PCDHA5: variants seen among roughly 807,000 people sequenced by gnomAD.
PCDHA5 encodes the protein protocadherin alpha 5, also known as protocadherin alpha-5.
A neutral mutation model predicts 61.6 loss-of-function variants in PCDHA5; 43 were observed. That is an observed-to-expected ratio of 0.70 (90% CI 0.55 to 0.90). The LOEUF (loss-of-function observed/expected upper bound fraction) is 0.90, where lower values mean the gene tolerates loss of function less well. Among genes scored for constraint, PCDHA5 ranks in the 40% least tolerant of loss-of-function variants. The probability of loss-of-function intolerance (pLI) is 0.00; values close to 1 mark genes in which losing one functional copy is unlikely to be tolerated. For missense variants in PCDHA5, 1,298 were observed against 1,222.7 expected, an observed-to-expected ratio of 1.06 and a Z score of -0.92; for synonymous variants, 627 against 543.9, an observed-to-expected ratio of 1.15 and a Z score of -2.13.
At chr5:140,906,750 T>C (rs782209238) in intron 1 of PCDHA5, among the ~76,000 whole-genome samples, 2 of 152,216 alleles carry the variant, frequency 1.3e-5, no homozygotes, top group Non-Finnish European at 2.9e-5. Flanking sequence ...ACACAGGGCA[T>C]GGTAATACTA....
intron 1 of PCDHA5, chr5:140,828,112 T>C (rs970956452): frequency 6.2e-7 from 1 of 1,611,926 alleles, no homozygotes; most frequent in Non-Finnish European, 8.5e-7. Flanking sequence ...CCCCGGAGGA[T>C]AGATTGGGAA....
intron 3 of PCDHA5, among the ~76,000 whole-genome samples, chr5:141,000,393 C>CTATA (rs1563650230): frequency 1.3e-4 from 7 of 52,858 alleles, no homozygotes; most frequent in Admixed American, 2.8e-4. Context: ...CTCTCTCTCT[C>CTATA]TCTATATATA....
intron 1 of PCDHA5, chr5:140,928,259 A>G: frequency 6.2e-7 from 1 of 1,614,218 alleles, no homozygotes; most frequent in Non-Finnish European, 8.5e-7. Context: ...TTCGTTGCTG[A>G]AAACAATGGC....
At chr5:140,849,620 C>A (rs2040998983) in intron 1 of PCDHA5, 1 of 1,598,622 alleles carries the variant, frequency 6.3e-7, no homozygotes, top group Non-Finnish European at 8.6e-7. Context: ...TTAGTGTGAT[C>A]GACCTAGACG....
At position 140,842,838 on chromosome 5, in the gene PCDHA5, G is replaced by A. The variant is rs1265674507; in HGVS notation, c.2352+18711G>A. 6.3e-7 allele frequency: 1 copy of A among 1,593,906 alleles called. No homozygotes were observed. Among genetic ancestry groups the A allele is most frequent in the South Asian group, 1.1e-5 (1 of 90,422 alleles). ...CGGGTGGGCGAGCGCTCGCTGTCGAGCTACATTTCGGTGCACACGGAGAGC... is the reference window on the plus strand; with the variant it reads ...CGGGTGGGCGAGCGCTCGCTGTCGAACTACATTTCGGTGCACACGGAGAGC... On this transcript the variant is annotated intron_variant, in intron 1 of 3. Transcript: ENST00000529859.
At chr5:140,838,888 C>A (rs1414271467) in intron 1 of PCDHA5, among the ~76,000 whole-genome samples, 1 of 151,692 alleles carries the variant, frequency 6.6e-6, no homozygotes, top group Non-Finnish European at 1.5e-5. Context: ...GAACTCCAGC[C>A]TAGGTGACAG....
intron 1 of PCDHA5, among the ~76,000 whole-genome samples, chr5:140,955,262 CT>C (rs1165777806): frequency 3.9e-5 from 6 of 152,044 alleles, no homozygotes; most frequent in African/African-American, 1.4e-4. Flanking sequence ...TATAAAGGCT[CT>C]TTTTTGGTTC....
chr5:140,997,131 C>T (rs577407385), intron 3 of PCDHA5, among the ~76,000 whole-genome samples: 26 of 152,126 alleles, frequency 1.7e-4, no homozygotes, highest in African/African-American at 6.0e-4. Flanking sequence ...ACACAATGCC[C>T]CCACACCCCC....
intron 1 of PCDHA5, among the ~76,000 whole-genome samples, chr5:140,908,402 T>C (rs2073951162): frequency 6.6e-6 from 1 of 152,166 alleles, no homozygotes; most frequent in Non-Finnish European, 1.5e-5. Flanking sequence ...TATATACCAC[T>C]TCCATTTGAT....
chr5:140,860,216 T>G (rs1554153148), intron 1 of PCDHA5: 1 of 150,178 alleles, frequency 6.7e-6, no homozygotes, highest in Admixed American at 6.6e-5. Context: ...TATGTACTTA[T>G]GTATATATAA....
chr5:140,840,869 C>T (rs1554137936), intron 1 of PCDHA5, among the ~76,000 whole-genome samples: 1 of 151,888 alleles, frequency 6.6e-6, no homozygotes, highest in Admixed American at 6.5e-5. Flanking sequence ...CTATGGAGGA[C>T]AGTTTACATT....
chr5:140,918,423 G>A (rs1450010103), intron 1 of PCDHA5, among the ~76,000 whole-genome samples: 2 of 152,076 alleles, frequency 1.3e-5, no homozygotes, highest in Admixed American at 1.3e-4. Context: ...CTTCCAGTAG[G>A]ATGTTGAATA....
rs1554169418 is a variant in PCDHA5 at position 140,877,179 on chromosome 5, G to C, written c.2352+53052G>C. 3 of 1,613,712 alleles carry C rather than the reference G, an allele frequency of 1.9e-6. No individual in the cohort carries two copies. The South Asian group carries it at 3.3e-5, about 18-fold the overall frequency. ...ACGCGCCGGCACTGCTGGCGACTCCGGCTGGCAGCGCAGGAGGCGCAGTTA... is the reference window on the plus strand; with the variant it reads ...ACGCGCCGGCACTGCTGGCGACTCCCGCTGGCAGCGCAGGAGGCGCAGTTA... On this transcript the variant is annotated intron_variant, in intron 1 of 3. Coordinates refer to ENST00000529859, the MANE Select transcript of PCDHA5 (RefSeq NM_018908.3).
intron 1 of PCDHA5, among the ~76,000 whole-genome samples, chr5:140,936,673 A>G (rs77819967): frequency 0.018 from 2,748 of 152,254 alleles, 64 homozygotes; most frequent in South Asian, 0.1. Context: ...TGGACTGTCT[A>G]TTCTGTTTCA....
rs1256461262 is a variant in PCDHA5, at chr5:140,982,640, A to T, written c.2500+77A>T. On this transcript the variant is annotated intron_variant, in intron 3 of 3. Transcript: ENST00000529859. ...ATGACCTACTTTTGTAAGATCAGGA[A>T]TGTTGATGGCTCTTTTTCTTTTATA... 3 of 1,544,442 alleles carry T rather than the reference A, an allele frequency of 1.9e-6. No individual in the cohort carries two copies. The African/African-American group carries it at 4.2e-5, about 21-fold the overall frequency.
intron 1 of PCDHA5, chr5:140,868,917 AAGTT>A: frequency 1.0e-6 from 1 of 955,956 alleles, no homozygotes; most frequent in Non-Finnish European, 1.5e-6. Flanking sequence ...ACTTGGTGGA[AAGTT>A]CATTTAAAGG....
chr5:140,822,936 C>T lies in PCDHA5; in HGVS notation c.1161C>T (p.Ser387=), dbSNP rs1554128957. 1 of 1,614,248 alleles carries T rather than the reference C, an allele frequency of 6.2e-7. No homozygotes were observed. Among genetic ancestry groups the T allele is most frequent in the Admixed American group, 1.7e-5 (1 of 60,032 alleles). ...DSGANGQVTC[S]LMPHVPFKLV... The stretch of plus-strand genomic sequence containing the variant: ...GTGCCAACGGGCAGGTGACCTGCTC[C>T]CTAATGCCCCACGTTCCCTTCAAGC... Residue 387 remains serine, a synonymous_variant, in exon 1 of 4, where the codon TCC becomes TCT. Coordinates refer to ENST00000529859, the MANE Select transcript of PCDHA5 (RefSeq NM_018908.3).
intron 1 of PCDHA5, chr5:140,927,351 G>A (rs782202644): frequency 1.4e-5 from 23 of 1,614,054 alleles, no homozygotes; most frequent in Non-Finnish European, 1.9e-5. Flanking sequence ...ATGACGACGA[G>A]GGAAGCAATG....
intron 1 of PCDHA5, among the ~76,000 whole-genome samples, chr5:140,937,615 T>TCAAAAAAAAAAAAAAAAAAAAAAAAA (rs1472779704): frequency 4.0e-5 from 6 of 149,436 alleles, no homozygotes; most frequent in African/African-American, 1.5e-4. Flanking sequence ...ATACTCCATC[T>TCAAAAAAAAAAAAAAAAAAAAAAAAA]AAAAAGAAAA....
Sources: allele counts gnomAD v4.1 joint callset (sites outside exome capture counted in the v4.1 genomes callset), GRCh38; gene constraint gnomAD v4.1.1; transcripts MANE v1.5; gene names NCBI Gene and HGNC (gene_info 2026-07-23, HGNC 2026-07-21).